Variants in MKLN1 observed in about 807,000 individuals in gnomAD.
MKLN1 encodes muskelin.
MKLN1 carries 18 observed loss-of-function variants against 99.0 expected under a neutral mutation model. The observed-to-expected ratio is 0.18, with a 90% CI of 0.13 to 0.27. MKLN1 has a LOEUF of 0.27. Among genes scored for constraint, MKLN1 ranks in the 10% least tolerant of loss-of-function variants. The probability of loss-of-function intolerance (pLI) is 1.00; values close to 1 mark genes in which losing one functional copy is unlikely to be tolerated. For synonymous variants in MKLN1, 288 were observed against 293.2 expected (o/e 0.98, Z 0.18); for missense variants, 621 against 875.9 (o/e 0.71, Z 3.67).
intron 2 of MKLN1, among the ~76,000 whole-genome samples, chr7:131,168,643 G>A (rs1419418639): frequency 6.6e-6 from 1 of 152,052 alleles, no homozygotes; most frequent in Non-Finnish European, 1.5e-5. Flanking sequence ...ACTTAAAAAG[G>A]AAAAGAATTA....
At chr7:131,396,062 T>C (rs1479385698) in intron 4 of MKLN1, among the ~76,000 whole-genome samples, 3 of 150,638 alleles carry the variant, frequency 2.0e-5, no homozygotes, top group African/African-American at 7.5e-5. Flanking sequence ...AGTTTTTCAA[T>C]TGAATATATA....
intron 6 of MKLN1, among the ~76,000 whole-genome samples, chr7:131,406,689 C>A (rs966947721): frequency 6.6e-6 from 1 of 151,970 alleles, no homozygotes; most frequent in Non-Finnish European, 1.5e-5. Context: ...TCAACTCTCT[C>A]AGAATTGATG....
At chr7:131,126,043 TAAA>T (rs1563223242) in intron 1 of MKLN1, among the ~76,000 whole-genome samples, 72 of 2,822 alleles carry the variant, frequency 0.026, no homozygotes, top group African/African-American at 0.032. Context: ...AATAAATAAA[TAAA>T]TAAATTAATT....
At chr7:131,377,080 G>T (rs189780300) in intron 2 of MKLN1, among the ~76,000 whole-genome samples, 26 of 152,200 alleles carry the variant, frequency 1.7e-4, no homozygotes, top group Admixed American at 2.0e-4. Flanking sequence ...CTGATGATAG[G>T]CATTTAGGCT....
At position 131,244,112 on chromosome 7, in the gene MKLN1, A is replaced by T. The variant is rs940058494; in HGVS notation, c.-179+41138A>T. 3.9e-5 allele frequency among the ~76,000 whole-genome samples: 6 copies of T among 152,324 alleles called. No individual in the cohort carries two copies. In the East Asian group the frequency reaches 5.8e-4, roughly 15 times the overall value. On this transcript the variant is annotated intron_variant, in intron 3 of 7. Coordinates refer to the MKLN1 transcript ENST00000416992. ...GAGGCCCATTTTTCTAATTGAGATT[A>T]AAAAAATCGAGTGGTACCCGATTTC... is the stretch of plus-strand genomic sequence containing the variant.
At chr7:131,152,858 A>C (rs1166439146) in intron 2 of MKLN1, among the ~76,000 whole-genome samples, 2 of 151,924 alleles carry the variant, frequency 1.3e-5, no homozygotes, top group African/African-American at 4.8e-5. Flanking sequence ...CTTTTAATTT[A>C]AATCCCTTAA....
At chr7:131,410,640 T>C (rs1794846468) in intron 6 of MKLN1, among the ~76,000 whole-genome samples, 1 of 152,164 alleles carries the variant, frequency 6.6e-6, no homozygotes, top group African/African-American at 2.4e-5. Context: ...CAAAGCACTG[T>C]TGGGGGAAAG....
chr7:131,160,472 CTT>C (rs1192171442), intron 2 of MKLN1, among the ~76,000 whole-genome samples: 1 of 145,260 alleles, frequency 6.9e-6, no homozygotes, highest in Admixed American at 7.1e-5. Flanking sequence ...CTATGTTTAA[CTT>C]ATTTTATTAT....
Position 131,399,395 on chromosome 7 carries a change from T to A in MKLN1, c.665T>A (p.Phe222Tyr). The A allele has an allele frequency of 6.2e-7, 1 of 1,614,046 alleles. No homozygotes were observed. Among genetic ancestry groups the A allele is most frequent in the South Asian group, 1.1e-5 (1 of 91,084 alleles). The change falls in exon 6 of 18, where the codon TTT becomes TAT. Residue 222 changes from phenylalanine (F) to tyrosine (Y), a missense_variant. Around this residue, in one of 8 missense-constraint regions of MKLN1, gnomAD observed 361 missense variants for 540.8 expected, o/e 0.67. Coordinates refer to ENST00000352689, the MANE Select transcript of MKLN1 (RefSeq NM_013255.5). ...GACAAGCTGGTGTTGAAGGGTGATT[T>A]TGATGCTTGCGAAGAGTTGATTGAA... is the stretch of plus-strand genomic sequence containing the variant. ...IHDKLVLKGDFDACEELIEKA... is the reference protein window; with the variant it reads ...IHDKLVLKGDYDACEELIEKA...
At chr7:131,420,024 G>A (rs779582087) in intron 8 of MKLN1, among the ~76,000 whole-genome samples, 11 of 152,104 alleles carry the variant, frequency 7.2e-5, no homozygotes, top group Non-Finnish European at 1.2e-4. Context: ...ATACTAGAAT[G>A]GTAGTAGTAA....
At chr7:131,341,702 T>C (rs1160059624) in intron 1 of MKLN1, among the ~76,000 whole-genome samples, 2 of 152,208 alleles carry the variant, frequency 1.3e-5, no homozygotes, top group African/African-American at 4.8e-5. Flanking sequence ...TTTCAGATCA[T>C]CAGGCATTAG....
At chr7:131,298,679 T>C (rs1798331155) in intron 3 of MKLN1, among the ~76,000 whole-genome samples, 1 of 152,232 alleles carries the variant, frequency 6.6e-6, no homozygotes, top group East Asian at 1.9e-4. Context: ...GTGTGTTAGT[T>C]GTCTGCTGAC....
intron 1 of MKLN1, among the ~76,000 whole-genome samples, chr7:131,369,265 C>A (rs1005723014): frequency 2.2e-4 from 34 of 152,200 alleles, no homozygotes; most frequent in African/African-American, 7.5e-4. Flanking sequence ...AATGAGAGTT[C>A]TAGGTGAAAG....
At chr7:131,210,953 G>T (rs910525894) in intron 3 of MKLN1, among the ~76,000 whole-genome samples, 6 of 151,484 alleles carry the variant, frequency 4.0e-5, no homozygotes, top group Non-Finnish European at 5.9e-5. Flanking sequence ...GAACAGGCAG[G>T]TTCCCACATT....
At chr7:131,210,890 C>T (rs62471969) in intron 3 of MKLN1, among the ~76,000 whole-genome samples, 27,486 of 149,972 alleles carry the variant, frequency 0.18, 2,962 homozygotes, top group Non-Finnish European at 0.25. Flanking sequence ...GGGTTGAAGT[C>T]GTTAAAATAG....
intron 1 of MKLN1, among the ~76,000 whole-genome samples, chr7:131,348,395 G>A (rs977212435): frequency 1.3e-5 from 2 of 152,156 alleles, no homozygotes; most frequent in African/African-American, 4.8e-5. Flanking sequence ...GAGATGTTGG[G>A]AGAAGTTTTA....
In MKLN1 at chr7:131,192,144, C is replaced by T. The variant is rs539849492; in HGVS notation, c.-296-10713C>T. 4.9e-3 allele frequency among the ~76,000 whole-genome samples: 344 copies of T among 69,610 alleles called. 48 individuals are homozygous for T. Among genetic ancestry groups the T allele is most frequent in the African/African-American group, 0.019 (283 of 14,546 alleles). 45.7% of individuals were successfully genotyped at this position (69,610 alleles called of 152,430 possible). On this transcript the variant is annotated intron_variant, in intron 2 of 7. Transcript: ENST00000416992. ...ACGTATATATATAAAAATATATATA[C>T]GTATATATACATATATACTTATGTA...
At chr7:131,183,685 G>A (rs1796407253) in intron 2 of MKLN1, among the ~76,000 whole-genome samples, 1 of 152,188 alleles carries the variant, frequency 6.6e-6, no homozygotes, top group Non-Finnish European at 1.5e-5. Context: ...CCTGAGAATA[G>A]TGGTCAACTC....
At chr7:131,291,086 T>C (rs1798207720) in intron 3 of MKLN1, among the ~76,000 whole-genome samples, 1 of 142,768 alleles carries the variant, frequency 7.0e-6, no homozygotes, top group Admixed American at 6.9e-5. Context: ...ATGCTTTTCC[T>C]TTTATCTCAT....
Sources: allele counts gnomAD v4.1 joint callset (sites outside exome capture counted in the v4.1 genomes callset), GRCh38; gene constraint gnomAD v4.1.1; regional missense constraint gnomAD v4.1.1; transcripts MANE v1.5; gene names NCBI Gene and HGNC (gene_info 2026-07-23, HGNC 2026-07-21).